The following DCC variants were observed in gnomAD, a reference collection of about 807,000 sequenced individuals.
DCC encodes DCC netrin 1 receptor.
DCC carries 58 observed loss-of-function variants against 172.5 expected under a neutral mutation model. The ratio of observed to expected loss-of-function variants is 0.34; its 90% confidence interval spans 0.27 to 0.42. The LOEUF (loss-of-function observed/expected upper bound fraction) is 0.42, where lower values mean the gene tolerates loss of function less well. DCC is among the 10% of genes least tolerant of loss of function. The pLI is 1.00. For synonymous variants in DCC, 709 were observed against 644.5 expected, an observed-to-expected ratio of 1.10 and a Z score of -1.52; for missense variants, 1,740 against 1,791.0, an observed-to-expected ratio of 0.97 and a Z score of 0.51.
chr18:52,416,823 T>C (rs1598801162), intron 1 of DCC, among the ~76,000 whole-genome samples: 1 of 152,144 alleles, frequency 6.6e-6, no homozygotes, highest in East Asian at 1.9e-4. Context: ...TGACTCTTTA[T>C]CCAATTTGCC....
At chr18:52,955,802 C>T (rs12454568) in intron 5 of DCC, among the ~76,000 whole-genome samples, 16,780 of 152,038 alleles carry the variant, frequency 0.11, 1,347 homozygotes, top group East Asian at 0.31. Flanking sequence ...AATAACATAA[C>T]ATATGATACT....
At chr18:52,717,749 A>T (rs895710404) in intron 1 of DCC, among the ~76,000 whole-genome samples, 1 of 152,118 alleles carries the variant, frequency 6.6e-6, no homozygotes, top group African/African-American at 2.4e-5. Flanking sequence ...TAAAAGACAT[A>T]TTTATTTAAC....
At position 53,025,795 on chromosome 18, in the gene DCC, TACACACACAC is replaced by T. The variant is rs34351949; in HGVS notation, c.986-37482_986-37473del. On this transcript the variant is annotated intron_variant, in intron 5 of 28. Coordinates refer to ENST00000442544, the MANE Select transcript of DCC (RefSeq NM_005215.4). ...CAGATTTAATGGGCAAAAACTATGA[TACACACACAC>T]ACACACACACACACACACACACACA... 4.5e-4 allele frequency among the ~76,000 whole-genome samples: 64 copies of T among 141,600 alleles called. 1 individual carries two copies. The highest frequency in any genetic ancestry group is 1.4e-3 in the South Asian group (6 of 4,296). The allele number at this position is 141,600 out of a possible 152,430, so 92.9% of individuals were successfully genotyped here. A position where few individuals can be genotyped will look rare whatever the true frequency, so the allele number is the denominator to read the frequency against.
chr18:53,317,943 T>C (rs1006629592), intron 13 of DCC, among the ~76,000 whole-genome samples: 14 of 152,304 alleles, frequency 9.2e-5, no homozygotes, highest in Middle Eastern at 3.4e-3. Flanking sequence ...CCTGGATTCA[T>C]TGATTTTTTT....
At chr18:52,570,506 T>C (rs1220368197) in intron 1 of DCC, among the ~76,000 whole-genome samples, 2 of 152,214 alleles carry the variant, frequency 1.3e-5, no homozygotes, top group Non-Finnish European at 2.9e-5. Context: ...ATAAATATAT[T>C]GATTCCTTTT....
chr18:53,092,079 T>C (rs12607254), intron 7 of DCC, among the ~76,000 whole-genome samples: 12,111 of 152,174 alleles, frequency 0.08, 782 homozygotes, highest in East Asian at 0.36. Context: ...TAGAATGCTA[T>C]AGAATAACAT....
chr18:53,275,581 C>G (rs2144716299), intron 12 of DCC, among the ~76,000 whole-genome samples: 1 of 152,070 alleles, frequency 6.6e-6, no homozygotes, highest in South Asian at 2.1e-4. Context: ...AAACTTTTTG[C>G]CAAAAACTAT....
At chr18:53,355,451 G>A (rs899504567) in intron 15 of DCC, among the ~76,000 whole-genome samples, 7 of 152,076 alleles carry the variant, frequency 4.6e-5, no homozygotes, top group Non-Finnish European at 8.8e-5. Flanking sequence ...TTATTTTGCT[G>A]AGCAGTGGTT....
Position 53,381,638 on chromosome 18 carries a change from A to G in DCC, c.2360-4405A>G, listed in dbSNP as rs556480042. Among the ~76,000 whole-genome samples the G allele has an allele frequency of 6.9e-5, 9 of 129,644 alleles. No homozygotes were observed. In the South Asian group the frequency reaches 7.3e-4, roughly 11 times the overall value. The allele number at this position is 129,644 out of a possible 152,430, so 85.1% of individuals were successfully genotyped here. A position where few individuals can be genotyped will look rare whatever the true frequency, so the allele number is the denominator to read the frequency against. ...TGCTCTAAAGGTTGACGGCTTGACTATGGAAGACCAGACTTCAGTATCTAT... is the reference window on the plus strand; with the variant it reads ...TGCTCTAAAGGTTGACGGCTTGACTGTGGAAGACCAGACTTCAGTATCTAT... On this transcript the variant is annotated intron_variant, in intron 15 of 28. Transcript: ENST00000442544.
chr18:52,580,993 A>T (rs749951453), intron 1 of DCC, among the ~76,000 whole-genome samples: 2 of 152,212 alleles, frequency 1.3e-5, no homozygotes, highest in Non-Finnish European at 2.9e-5. Flanking sequence ...TGAAGCTGTT[A>T]TCAATTCAAC....
At chr18:53,420,979 G>T (rs1180478011) in intron 21 of DCC, among the ~76,000 whole-genome samples, 1 of 152,042 alleles carries the variant, frequency 6.6e-6, no homozygotes, top group African/African-American at 2.4e-5. Flanking sequence ...TACTGTAAAT[G>T]GTTACTATAT....
intron 1 of DCC, among the ~76,000 whole-genome samples, chr18:52,736,627 T>C (rs1401440006): frequency 6.6e-6 from 1 of 152,204 alleles, no homozygotes; most frequent in East Asian, 1.9e-4. Flanking sequence ...GCTAATATTA[T>C]TTAAAATGTA....
At chr18:52,512,105 C>G (rs146594649) in intron 1 of DCC, among the ~76,000 whole-genome samples, 29 of 152,228 alleles carry the variant, frequency 1.9e-4, no homozygotes, top group African/African-American at 7.0e-4. Context: ...AGCTAATGAT[C>G]TTAGTGAGGA....
chr18:52,814,255 T>G (rs1289655521), intron 2 of DCC, among the ~76,000 whole-genome samples: 1 of 152,150 alleles, frequency 6.6e-6, no homozygotes, highest in African/African-American at 2.4e-5. Context: ...AAACAAAATA[T>G]TGGGAGCCAG....
In DCC at chr18:53,363,686, G is replaced by C. The variant is rs577074074; in HGVS notation, c.2360-22357G>C. 2.1e-4 allele frequency among the ~76,000 whole-genome samples: 32 copies of C among 152,162 alleles called. 1 individual carries two copies. Among genetic ancestry groups the C allele is most frequent in the African/African-American group, 7.7e-4 (32 of 41,524 alleles). ...CTTCCCAGATAAATTCCCTACCTCA[G>C]CTCTCCAGAGTCTCCCATAGTATTG... On this transcript the variant is annotated intron_variant, in intron 15 of 28. Coordinates refer to ENST00000442544, the MANE Select transcript of DCC (RefSeq NM_005215.4).
At chr18:53,255,526 C>T (rs1229168239) in intron 12 of DCC, among the ~76,000 whole-genome samples, 3 of 151,824 alleles carry the variant, frequency 2.0e-5, no homozygotes, top group Non-Finnish European at 4.4e-5. Flanking sequence ...CATCCATGTC[C>T]CTACAAAGGA....
intron 1 of DCC, among the ~76,000 whole-genome samples, chr18:52,418,858 C>CTTTTTTTTTTT (rs11313758): frequency 2.2e-5 from 2 of 92,992 alleles, no homozygotes; most frequent in African/African-American, 4.6e-5. Flanking sequence ...TTCTTTCTTT[C>CTTTTTTTTTTT]TTTTTTTTTT....
chr18:52,673,551 C>T (rs760345308), intron 1 of DCC, among the ~76,000 whole-genome samples: 10 of 152,156 alleles, frequency 6.6e-5, no homozygotes, highest in Admixed American at 1.3e-4. Flanking sequence ...CTAGTTTACT[C>T]GGATAAGACA....
chr18:52,956,963 C>T (rs67973712), intron 5 of DCC, among the ~76,000 whole-genome samples: 3 of 152,112 alleles, frequency 2.0e-5, no homozygotes, highest in Admixed American at 6.5e-5. Flanking sequence ...GCCGAAAACA[C>T]GCATATTGCT....
Sources: allele counts gnomAD v4.1 joint callset (sites outside exome capture counted in the v4.1 genomes callset), GRCh38; gene constraint gnomAD v4.1.1; transcripts MANE v1.5; gene names NCBI Gene and HGNC (gene_info 2026-07-23, HGNC 2026-07-21).